The following STIMATE variants were observed in gnomAD, a reference collection of about 807,000 sequenced individuals.
STIMATE encodes the protein STIM activating enhancer, also known as store-operated calcium entry regulator STIMATE.
STIMATE carries 15 observed loss-of-function variants against 36.7 expected under a neutral mutation model. The ratio of observed to expected loss-of-function variants is 0.41; its 90% CI spans 0.27 to 0.63. The LOEUF is 0.63. STIMATE is among the 20% of genes least tolerant of loss of function. STIMATE has a pLI of 0.32. For missense variants in STIMATE, 305 were observed against 397.3 expected (o/e 0.77, Z 1.98); for synonymous variants, 163 against 162.3 (o/e 1.00, Z -0.03).
At chr3:52,871,802 T>G (rs573658148) in intron 1 of STIMATE, among the ~76,000 whole-genome samples, 3 of 152,350 alleles carry the variant, frequency 2.0e-5, no homozygotes, top group South Asian at 4.2e-4. Flanking sequence ...ATTTACTTCA[T>G]GTAAACAATA....
intron 3 of STIMATE, among the ~76,000 whole-genome samples, 193 bp from the exon 4 acceptor site, chr3:52,850,106 A>T (rs1700971726): frequency 6.6e-6 from 1 of 152,170 alleles, no homozygotes; most frequent in African/African-American, 2.4e-5. Flanking sequence ...CGACCACCTG[A>T]GGGAGGTGAG....
At chr3:52,843,849 GCC>G in intron 5 of STIMATE, 51 bp from the exon 6 acceptor site, 1 of 1,605,628 alleles carries the variant, frequency 6.2e-7, no homozygotes. Context: ...CCGAGAGTGT[GCC>G]TGGGGTGGGT....
At chr3:52,859,536 T>TAAAA in intron 1 of STIMATE, among the ~76,000 whole-genome samples, 1 of 113,186 alleles carries the variant, frequency 8.8e-6, no homozygotes, top group African/African-American at 4.0e-5. Context: ...AAAAAATTTT[T>TAAAA]TTTTTTTTTT....
chr3:52,878,640 C>T (rs913040359), intron 1 of STIMATE, among the ~76,000 whole-genome samples: 4 of 152,196 alleles, frequency 2.6e-5, no homozygotes, highest in East Asian at 3.8e-4. Context: ...CTGATTGTCT[C>T]GTGAGCCTAC....
chr3:52,875,405 A>T (rs993189347), intron 1 of STIMATE, among the ~76,000 whole-genome samples: 1 of 152,172 alleles, frequency 6.6e-6, no homozygotes, highest in African/African-American at 2.4e-5. Flanking sequence ...CCTCAGCTCA[A>T]GCAGCACAGA....
At chr3:52,874,455 G>C (rs918942137) in intron 1 of STIMATE, among the ~76,000 whole-genome samples, 2 of 152,124 alleles carry the variant, frequency 1.3e-5, no homozygotes, top group East Asian at 1.9e-4. Context: ...TATTAACCAT[G>C]GTTAGCTCTC....
intron 1 of STIMATE, among the ~76,000 whole-genome samples, chr3:52,880,299 T>A (rs1233763267): frequency 1.3e-5 from 2 of 152,206 alleles, no homozygotes; most frequent in Non-Finnish European, 2.9e-5. Context: ...TTCGCACACC[T>A]GATGCTATAC....
intron 5 of STIMATE, among the ~76,000 whole-genome samples, chr3:52,844,172 C>T (rs1700855589): frequency 6.6e-6 from 1 of 152,206 alleles, no homozygotes; most frequent in Admixed American, 6.5e-5. Context: ...AGGCCCCAGA[C>T]CACTTTCTAA....
intron 1 of STIMATE, among the ~76,000 whole-genome samples, chr3:52,880,759 C>G (rs755284693): frequency 6.6e-6 from 1 of 152,188 alleles, no homozygotes; most frequent in Non-Finnish European, 1.5e-5. Context: ...AATGAGCTGG[C>G]TGTTTCAATA....
chr3:52,841,413 C>G (rs1700795794), intron 7 of STIMATE, among the ~76,000 whole-genome samples: 1 of 152,236 alleles, frequency 6.6e-6, no homozygotes, highest in Non-Finnish European at 1.5e-5. Flanking sequence ...CGGCACTTTG[C>G]TGTTCTAAGG....
intron 6 of STIMATE, 179 bp from the exon 7 acceptor site, chr3:52,843,139 T>A: frequency 1.7e-6 from 2 of 1,203,478 alleles, no homozygotes; most frequent in South Asian, 1.6e-5. Context: ...AGTCTCCACA[T>A]CCTCGGGTTC....
chr3:52,892,751 C>T (rs1701802538), intron 1 of STIMATE, among the ~76,000 whole-genome samples: 1 of 152,194 alleles, frequency 6.6e-6, no homozygotes, highest in South Asian at 2.1e-4. Flanking sequence ...GAGGGAGAGA[C>T]TGAGAGGTCT....
intron 1 of STIMATE, among the ~76,000 whole-genome samples, chr3:52,896,842 T>G (rs1161259467): frequency 6.6e-6 from 1 of 152,082 alleles, no homozygotes; most frequent in Non-Finnish European, 1.5e-5. Flanking sequence ...AGGATTTAAA[T>G]GTGAACGGAG....
At chr3:52,880,324 G>A (rs1701581869) in intron 1 of STIMATE, among the ~76,000 whole-genome samples, 1 of 152,268 alleles carries the variant, frequency 6.6e-6, no homozygotes, top group South Asian at 2.1e-4. Flanking sequence ...GGGACCAGAT[G>A]TGGGTGGGGC....
Position 52,840,597 on chromosome 3 carries a change from G to A in STIMATE, c.782C>T (p.Ala261Val), listed in dbSNP as rs377432257. 35 of 1,613,140 alleles carry A rather than the reference G, an allele frequency of 2.2e-5. No individual in the cohort carries two copies. Among genetic ancestry groups the A allele is most frequent in the South Asian group, 3.3e-5 (3 of 91,034 alleles). ...EESESEILISADDEMEESDVE... is the reference protein window; with the variant it reads ...EESESEILISVDDEMEESDVE... Reference sequence around the variant, plus strand: ...GTCGGACTCCTCCATCTCATCATCCGCTGAGATCAGGATCTGAGGCAGTAG... The same window carrying A: ...GTCGGACTCCTCCATCTCATCATCCACTGAGATCAGGATCTGAGGCAGTAG... The change falls in exon 8 of 8, where the codon GCG becomes GTG. Residue 261 changes from alanine to valine, a missense_variant. Ala to Val is a moderately conservative substitution (Grantham distance 64, BLOSUM62 0). This residue lies in a region of STIMATE where 84 missense variants were observed against 82.4 expected (regional missense o/e 1.02). Transcript: ENST00000355083.
chr3:52,895,848 G>A (rs1701855834), intron 1 of STIMATE: 1 of 1,271,284 alleles, frequency 7.9e-7, no homozygotes, highest in Admixed American at 2.3e-5. Context: ...GGAGGACAGA[G>A]AAGTAGGAGG....
chr3:52,855,047 T>A (rs935377943), intron 2 of STIMATE, among the ~76,000 whole-genome samples: 7 of 152,290 alleles, frequency 4.6e-5, no homozygotes, highest in African/African-American at 1.7e-4. Context: ...TGCTTGCACA[T>A]ACAGAACACA....
At chr3:52,891,393 G>A (rs1379382052) in intron 1 of STIMATE, among the ~76,000 whole-genome samples, 1 of 152,218 alleles carries the variant, frequency 6.6e-6, no homozygotes, top group Non-Finnish European at 1.5e-5. Context: ...AGAGTAGGCT[G>A]CAGAAAAGAG....
chr3:52,872,042 G>T (rs1378493055), intron 1 of STIMATE, among the ~76,000 whole-genome samples: 2 of 152,090 alleles, frequency 1.3e-5, no homozygotes, highest in South Asian at 4.1e-4. Flanking sequence ...CAAGTGGCTG[G>T]CTTCTTTTTG....
Sources: allele counts gnomAD v4.1 joint callset (sites outside exome capture counted in the v4.1 genomes callset), GRCh38; gene constraint gnomAD v4.1.1; regional missense constraint gnomAD v4.1.1; transcripts MANE v1.5; gene names NCBI Gene and HGNC (gene_info 2026-07-23, HGNC 2026-07-21).